The following NT5C1B variants were observed in gnomAD, a reference collection of about 807,000 sequenced individuals.
The protein encoded by NT5C1B is 5'-nucleotidase, cytosolic IB.
Under a neutral mutation model 57.8 loss-of-function variants are expected in NT5C1B, and 44 were observed. The ratio of observed to expected loss-of-function variants is 0.76; its 90% confidence interval spans 0.60 to 0.98. NT5C1B has a LOEUF of 0.98. Among genes scored for constraint, NT5C1B ranks in the 50% least tolerant of loss-of-function variants. The pLI is 0.00. For synonymous variants in NT5C1B, 284 were observed against 282.6 expected (o/e 1.00, Z -0.05); for missense variants, 742 against 719.5 (o/e 1.03, Z -0.36).
chr2:18,586,817 G>T, intron 2 of NT5C1B: 1 of 1,159,164 alleles, frequency 8.6e-7, no homozygotes, highest in Non-Finnish European at 1.2e-6. Flanking sequence ...GGTTGCAGGG[G>T]GACTCTAAGG....
Position 18,584,900 on chromosome 2 carries a change from C to T in NT5C1B, c.337G>A (p.Gly113Arg), listed in dbSNP as rs1426309046. 9 of 1,561,068 alleles carry T rather than the reference C, an allele frequency of 5.8e-6. No individual in the cohort carries two copies. The highest frequency in any genetic ancestry group is 1.9e-5 in the Admixed American group (1 of 53,946). ...GCGGGTGGCTGGAGCGAGGGCTGCC[C>T]GGACAGCGGCGGCGGTGAGGAGTCA... Residue 113 changes from glycine (G) to arginine (R), a missense_variant, in exon 4 of 9, where the codon GGG becomes AGG. Coordinates refer to ENST00000304081, the Ensembl canonical transcript of NT5C1B. This position sits in a 1 kb window ranked among gnomAD's most constrained non-coding sequence, Gnocchi z 5.8.
Position 18,584,348 on chromosome 2 carries a change from G to T in NT5C1B, c.724-93C>A. Reference sequence around the variant, plus strand: ...CAGGGTAGGGTGAGAGTAGGACAGCGGGCCCCTGCTTGGAGAAGCGGGATG... The same window carrying T: ...CAGGGTAGGGTGAGAGTAGGACAGCTGGCCCCTGCTTGGAGAAGCGGGATG... On this transcript the variant is annotated intron_variant, in intron 4 of 8. Transcript: ENST00000304081. This position sits in a 1 kb window ranked among gnomAD's most constrained non-coding sequence, Gnocchi z 5.8. 1 of 1,555,702 alleles carries T rather than the reference G, an allele frequency of 6.4e-7. No individual in the cohort carries two copies. The highest frequency in any genetic ancestry group is 8.7e-7 in the Non-Finnish European group (1 of 1,152,864).
At chr2:18,574,209 A>G (rs1294988311) in intron 8 of NT5C1B, among the ~76,000 whole-genome samples, 2 of 152,114 alleles carry the variant, frequency 1.3e-5, no homozygotes, top group Non-Finnish European at 2.9e-5. Flanking sequence ...GTCAATGGGT[A>G]TATGAAAAGG....
chr2:18,578,273 G>T (rs1344473096), intron 6 of NT5C1B, among the ~76,000 whole-genome samples: 3 of 151,952 alleles, frequency 2.0e-5, no homozygotes, highest in Non-Finnish European at 2.9e-5. Flanking sequence ...CATTTTATTA[G>T]GTCAACATAA....
exon 2 of NT5C1B, chr2:18,587,559 G>T (rs755317507): frequency 6.2e-7 from 1 of 1,613,608 alleles, no homozygotes; most frequent in Non-Finnish European, 8.5e-7. Context: ...TCTGCTTCTA[G>T]ACTCTCTTTT....
At chr2:18,564,196 G>A in intron 8 of NT5C1B, 77 bp from the exon 9 acceptor site, 4 of 1,459,418 alleles carry the variant, frequency 2.7e-6, no homozygotes, top group Non-Finnish European at 3.6e-6. Context: ...AGACCTATAT[G>A]ATACGATACA....
intron 1 of NT5C1B, among the ~76,000 whole-genome samples, chr2:18,588,654 C>T (rs1666940251): frequency 6.6e-6 from 1 of 152,164 alleles, no homozygotes. Context: ...TGTTCCAGGT[C>T]TCTGACCATC....
chr2:18,569,195 G>A (rs970848478), intron 8 of NT5C1B, among the ~76,000 whole-genome samples: 1 of 152,140 alleles, frequency 6.6e-6, no homozygotes, highest in Non-Finnish European at 1.5e-5. Flanking sequence ...ATTACTTAAA[G>A]TTGTATATTG....
chr2:18,570,690 T>C (rs745680691), intron 8 of NT5C1B, among the ~76,000 whole-genome samples: 1 of 152,180 alleles, frequency 6.6e-6, no homozygotes, highest in Non-Finnish European at 1.5e-5. Context: ...TATCACATTT[T>C]ATGAGGTTAG....
intron 3 of NT5C1B, 86 bp downstream of exon 3, chr2:18,586,168 A>G: frequency 6.5e-7 from 1 of 1,544,594 alleles, no homozygotes; most frequent in Non-Finnish European, 8.7e-7. Flanking sequence ...GCACATAAAC[A>G]GGGCCTGGCA....
chr2:18,564,299 T>C (rs1057416746), intron 8 of NT5C1B, among the ~76,000 whole-genome samples, 180 bp from the exon 9 acceptor site: 1 of 152,220 alleles, frequency 6.6e-6, no homozygotes, highest in Non-Finnish European at 1.5e-5. Flanking sequence ...ATATGTTTTC[T>C]GATATAGAAC....
chr2:18,563,030 C>T (rs1436661047), exon 9 of NT5C1B: 1 of 150,698 alleles, frequency 6.6e-6, no homozygotes, highest in African/African-American at 2.4e-5. Context: ...CAGGATACTA[C>T]ACTTCATGTC....
At chr2:18,586,814 G>C in intron 2 of NT5C1B, 1 of 1,130,548 alleles carries the variant, frequency 8.8e-7, no homozygotes, top group Non-Finnish European at 1.2e-6. Flanking sequence ...TGAGGTTGCA[G>C]GGGGACTCTA....
At chr2:18,572,387 A>G (rs766674570) in intron 8 of NT5C1B, among the ~76,000 whole-genome samples, 20 of 152,214 alleles carry the variant, frequency 1.3e-4, no homozygotes, top group Non-Finnish European at 2.5e-4. Context: ...TGGATTAGGC[A>G]AAGATTTCTT....
At chr2:18,585,365 A>G (rs1666604561) in intron 3 of NT5C1B, among the ~76,000 whole-genome samples, 1 of 152,158 alleles carries the variant, frequency 6.6e-6, no homozygotes, top group South Asian at 2.1e-4. Flanking sequence ...TGCAGAATGG[A>G]TCTTGCTTGG....
chr2:18,577,921 C>T (rs1201823103), intron 6 of NT5C1B, among the ~76,000 whole-genome samples: 1 of 151,978 alleles, frequency 6.6e-6, no homozygotes, highest in African/African-American at 2.4e-5. Context: ...AGAAATGACA[C>T]AAGTGACATT....
chr2:18,580,754 A>C (rs1666114701), intron 6 of NT5C1B, among the ~76,000 whole-genome samples: 3 of 152,262 alleles, frequency 2.0e-5, no homozygotes, highest in Admixed American at 2.0e-4. Context: ...CATGGAACAC[A>C]ACCATAAAAA....
rs188699651 is a variant in NT5C1B, at chr2:18,588,481, A to G, written c.31-889T>C. 1.9e-3 allele frequency among the ~76,000 whole-genome samples: 290 copies of G among 152,352 alleles called. 1 individual carries two copies. Among genetic ancestry groups the G allele is most frequent in the Non-Finnish European group, 2.7e-3 (185 of 68,028 alleles). ...TGCATGAGAATGTTAGTTGCATGAG[A>G]GAATGGCATAGCTGTATGACTCCTG... On this transcript the variant is annotated intron_variant, in intron 1 of 8. Transcript: ENST00000304081.
At chr2:18,582,368 A>G (rs1205030356) in intron 6 of NT5C1B, among the ~76,000 whole-genome samples, 1 of 152,254 alleles carries the variant, frequency 6.6e-6, no homozygotes, top group Non-Finnish European at 1.5e-5. Flanking sequence ...TCCCCAACAC[A>G]CTGATAGAAA....
Sources: allele counts gnomAD v4.1 joint callset (sites outside exome capture counted in the v4.1 genomes callset), GRCh38; gene constraint gnomAD v4.1.1; non-coding constraint Gnocchi (gnomAD v3.1); transcripts MANE v1.5; gene names NCBI Gene and HGNC (gene_info 2026-07-23, HGNC 2026-07-21).